The following IL3RA variants were observed in gnomAD, a reference collection of about 807,000 sequenced individuals.
IL3RA encodes interleukin-3 receptor subunit alpha.
IL3RA carries 73 observed loss-of-function variants against 52.3 expected under a neutral mutation model. The ratio of observed to expected loss-of-function variants is 1.40; its 90% CI spans 1.16 to 1.70. The LOEUF (loss-of-function observed/expected upper bound fraction) is 1.70. IL3RA is among the 40% of genes most tolerant of loss of function. The pLI is 0.00. For synonymous variants in IL3RA, 260 were observed against 194.0 expected (o/e 1.34, Z -2.83); for missense variants, 664 against 504.4 (o/e 1.32, Z -3.03).
chrX:1,345,588 C>CAT (rs1301978541), intron 3 of IL3RA, among the ~76,000 whole-genome samples, 154 bp downstream of exon 3: 1 of 151,824 alleles, frequency 6.6e-6, no homozygotes. Context: ...CTCCCAGGTC[C>CAT]ATGCCATTCT....
rs2085882331 is a variant in IL3RA, at chrX:1,348,541, G to C, written c.294G>C (p.Glu98Asp). ...TCTCCACGTGGATCCTCTTCCCTGA[G>C]AACAGTGAGAAAAATGTTCATTGTT... ...PPFSTWILFP[E>D]NSGKPWAGAE... The change falls in exon 4 of 12, where the codon GAG becomes GAC. Residue 98 changes from glutamate to aspartate, a missense_variant. Transcript: ENST00000331035. 1.9e-6 allele frequency: 3 copies of C among 1,608,936 alleles called. No individual in the cohort carries two copies. Among genetic ancestry groups the C allele is most frequent in the South Asian group, 2.2e-5 (2 of 90,988 alleles).
chrX:1,359,783 CCTCT>C (rs1373392169), intron 8 of IL3RA, among the ~76,000 whole-genome samples: 1 of 137,048 alleles, frequency 7.3e-6, no homozygotes, highest in Non-Finnish European at 1.6e-5. Flanking sequence ...ATTCTCCCTC[CCTCT>C]TTTATTCTCC....
Position 1,365,241 on chromosome X carries a change from C to A in IL3RA, c.863C>A (p.Pro288His). ...VYEFLSAWST[P>H]QRFECDQEEG... Reference sequence around the variant, plus strand: ...GAATTCTTGAGCGCCTGGAGCACCCCCCAGCGCTTCGGTGAGTGGGCTGTG... The same window carrying A: ...GAATTCTTGAGCGCCTGGAGCACCCACCAGCGCTTCGGTGAGTGGGCTGTG... Residue 288 changes from proline (P) to histidine (H), a missense_variant, in exon 9 of 12, where the codon CCC becomes CAC. Coordinates refer to ENST00000331035, the MANE Select transcript of IL3RA (RefSeq NM_002183.4). The A allele has an allele frequency of 1.2e-6, 2 of 1,602,910 alleles. No homozygotes were observed. Among genetic ancestry groups the A allele is most frequent in the Non-Finnish European group, 8.5e-7 (1 of 1,173,844 alleles).
chrX:1,359,540 C>T (rs1962224136), intron 8 of IL3RA, among the ~76,000 whole-genome samples: 2 of 150,158 alleles, frequency 1.3e-5, no homozygotes. Context: ...TTTTCCCTCC[C>T]TCTATCTTTC....
intron 4 of IL3RA, among the ~76,000 whole-genome samples, chrX:1,349,514 G>C (rs1446994750): frequency 2.6e-5 from 4 of 151,918 alleles, no homozygotes; most frequent in Non-Finnish European, 5.9e-5. Context: ...GTGTCGCTAT[G>C]TTACCTGAGC....
intron 8 of IL3RA, among the ~76,000 whole-genome samples, chrX:1,362,470 GTC>G (rs1168575653): frequency 1.5e-5 from 2 of 137,484 alleles, no homozygotes; most frequent in Non-Finnish European, 3.1e-5. Flanking sequence ...GTTTCTATCT[GTC>G]TCTCTCTGTC....
At chrX:1,362,854 C>T (rs1486169765) in intron 8 of IL3RA, among the ~76,000 whole-genome samples, 2 of 152,096 alleles carry the variant, frequency 1.3e-5, no homozygotes, top group African/African-American at 4.8e-5. Context: ...CAGCTCACTG[C>T]AACCTCCGCC....
At chrX:1,380,566 G>T (rs1369023636) in intron 10 of IL3RA, among the ~76,000 whole-genome samples, 1 of 23,762 alleles carries the variant, frequency 4.2e-5, no homozygotes, top group Non-Finnish European at 7.8e-5. Context: ...GAGGAGAGGC[G>T]AGGGGGAGGG....
At chrX:1,348,925 T>C (rs1284184536) in intron 4 of IL3RA, among the ~76,000 whole-genome samples, 3 of 143,774 alleles carry the variant, frequency 2.1e-5, no homozygotes, top group South Asian at 2.4e-4. Context: ...CTTCCTTCTC[T>C]CCCTCCTCTT....
Position 1,341,713 on chromosome X carries a change from T to C in IL3RA, c.-38-15T>C, listed in dbSNP as rs1475173074. On this transcript the variant is annotated splice_polypyrimidine_tract_variant and intron_variant, in intron 1 of 11. Coordinates refer to ENST00000331035, the MANE Select transcript of IL3RA (RefSeq NM_002183.4). ...ACAGCCAGTCCCCGCTGCCTGACTC[T>C]CGTTTCTCCTGCAGCAGGCACCTCT... 1 of 1,607,198 alleles carries C rather than the reference T, an allele frequency of 6.2e-7. No individual in the cohort carries two copies. Among genetic ancestry groups the C allele is most frequent in the Non-Finnish European group, 8.5e-7 (1 of 1,174,822 alleles).
At chrX:1,360,153 C>G (rs762566702) in intron 8 of IL3RA, among the ~76,000 whole-genome samples, 48 of 149,838 alleles carry the variant, frequency 3.2e-4, no homozygotes, top group African/African-American at 1.1e-3. Flanking sequence ...CTGTGTCTCT[C>G]TCCCTTTCTC....
chrX:1,361,202 C>CCT lies in IL3RA; in HGVS notation c.759+2316_759+2317dup, dbSNP rs368107342. On this transcript the variant is annotated intron_variant, in intron 8 of 11. Coordinates refer to ENST00000331035, the MANE Select transcript of IL3RA (RefSeq NM_002183.4). The stretch of plus-strand genomic sequence containing the variant: ...CTTCCCCTCTCTCTCTCTCCATTCC[C>CCT]CTGTCTCTATGTCTCTCCCTTTCTC... 8.7e-5 allele frequency among the ~76,000 whole-genome samples: 9 copies of CCT among 103,110 alleles called. 2 individuals carry two copies. The highest frequency in any genetic ancestry group is 6.8e-4 in the South Asian group (2 of 2,946). 67.6% of individuals were successfully genotyped at this position (103,110 alleles called of 152,430 possible).
intron 7 of IL3RA, 21 bp from the exon 8 acceptor site, chrX:1,358,840 T>C: frequency 1.9e-6 from 3 of 1,613,278 alleles, no homozygotes; most frequent in African/African-American, 1.3e-5. Flanking sequence ...ACTCAAAAGT[T>C]TGCTTGCTTT....
chrX:1,345,339 C>T lies in IL3RA; in HGVS notation c.88C>T (p.Leu30=), dbSNP rs745893747. The change falls in exon 3 of 12, where the codon CTA becomes TTA. Residue 30 remains leucine, a synonymous_variant. Coordinates refer to ENST00000331035, the MANE Select transcript of IL3RA (RefSeq NM_002183.4). The part of the protein sequence containing the change: ...KEDPNPPITN[L]RMKAKAQQLT... ...AGATCCAAACCCACCAATCACGAAC[C>T]TAAGGATGAAAGCAAAGGCTCAGCA... is the stretch of plus-strand genomic sequence containing the variant. 1.9e-6 allele frequency: 3 copies of T among 1,610,890 alleles called. No individual in the cohort carries two copies. Among genetic ancestry groups the T allele is most frequent in the Middle Eastern group, 1.7e-4 (1 of 6,038 alleles).
intron 2 of IL3RA, among the ~76,000 whole-genome samples, chrX:1,343,386 C>T (rs546394051): frequency 2.6e-5 from 4 of 151,986 alleles, no homozygotes; most frequent in Middle Eastern, 3.4e-3. Flanking sequence ...TTTTACTGGC[C>T]GGGTGCAACG....
chrX:1,345,620 G>C (rs1276185868), intron 3 of IL3RA, among the ~76,000 whole-genome samples, 186 bp downstream of exon 3: 2 of 151,754 alleles, frequency 1.3e-5, no homozygotes, highest in African/African-American at 2.4e-5. Context: ...CTCCCGAGTA[G>C]CTGGGACTAC....
In IL3RA at chrX:1,356,703, TG is replaced by T. The variant is rs2086750213; in HGVS notation, c.732+372del. On this transcript the variant is annotated intron_variant, in intron 7 of 11. Coordinates refer to ENST00000331035, the MANE Select transcript of IL3RA (RefSeq NM_002183.4). ...AGGAGAATTGCTTGAACCCAGGAGG[TG>T]GGGGTTGCAGTGAGCCGAGATCGCG... is the stretch of plus-strand genomic sequence containing the variant. Among the ~76,000 whole-genome samples the T allele has an allele frequency of 3.4e-5, 5 of 147,032 alleles. No individual in the cohort carries two copies. The South Asian group carries it at 1.1e-3, about 31-fold the overall frequency.
intron 6 of IL3RA, among the ~76,000 whole-genome samples, chrX:1,353,957 CATGGGTCGTGGGACCCCCACCCCCAT>C (rs2086389925): frequency 1.6e-5 from 1 of 61,532 alleles, no homozygotes; most frequent in Admixed American, 1.6e-4. Flanking sequence ...CCCCCCCCAT[CATGGGTCGTGGGACCCCCACCCCCAT>C]CATGGGTCAT....
chrX:1,382,578 C>T lies in IL3RA; in HGVS notation c.*113C>T, dbSNP rs11480. 167,989 of 952,652 alleles carry T rather than the reference C, an allele frequency of 0.18. 15,751 individuals carry two copies. Among genetic ancestry groups the T allele is most frequent in the Middle Eastern group, 0.29 (1,087 of 3,708 alleles). 59.0% of individuals were successfully genotyped at this position (952,652 alleles called of 1,614,324 possible). On this transcript the variant is annotated 3_prime_UTR_variant, in exon 12 of 12. Transcript: ENST00000331035. ...GCAGCCCAGGAATGGACATTCCTAACGGGTGGTGGGCATGGGAGATGCCTG... is the reference window on the plus strand; with the variant it reads ...GCAGCCCAGGAATGGACATTCCTAATGGGTGGTGGGCATGGGAGATGCCTG...
Sources: gnomAD v4.1 joint callset for allele counts (sites outside exome capture counted in the v4.1 genomes callset) on GRCh38, gnomAD v4.1.1 for gene constraint, MANE v1.5 for transcripts, NCBI Gene and HGNC (gene_info 2026-07-23, HGNC 2026-07-21) for gene names.